Variants in ZNF469 observed in about 807,000 individuals in gnomAD.
ZNF469 encodes zinc finger protein 469.
Under a neutral mutation model 1.0 loss-of-function variants are expected in ZNF469, and 1 was observed. The observed-to-expected ratio is 1.00, with a 90% CI of 0.35 to 4.73. The LOEUF (loss-of-function observed/expected upper bound fraction) is 4.73. Among genes scored for constraint, ZNF469 ranks in the 30% most tolerant of loss-of-function variants. The pLI, the probability that ZNF469 is intolerant of heterozygous loss-of-function variation, is 0.16. For missense variants in ZNF469, 6,100 were observed against 5,356.3 expected (o/e 1.14, Z -4.33); for synonymous variants, 2,703 against 2,363.4 (o/e 1.14, Z -4.17).
At chr16:88,262,933 G>A in the ZNF469 span, among the ~76,000 whole-genome samples, 22 of 152,388 alleles carry the variant, frequency 1.4e-4, no homozygotes, top group East Asian at 1.7e-3. This position sits in a 1 kb window ranked among gnomAD's most constrained non-coding sequence, Gnocchi z 4.3. Flanking sequence ...AGCTCTGACC[G>A]GCTTGAGTGG....
chr16:88,226,681 A>G, the ZNF469 span, among the ~76,000 whole-genome samples: 1 of 151,768 alleles, frequency 6.6e-6, no homozygotes, highest in Admixed American at 6.6e-5. Flanking sequence ...ATGCTCGCCC[A>G]GACCTCGAAT....
chr16:88,192,237 T>C, the ZNF469 span: 1 of 152,260 alleles, frequency 6.6e-6, no homozygotes, highest in African/African-American at 2.4e-5. Flanking sequence ...GGGGTGAGCA[T>C]GGCTCCTGCA....
chr16:88,126,410 A>T, the ZNF469 span, among the ~76,000 whole-genome samples: 1 of 151,348 alleles, frequency 6.6e-6, no homozygotes, highest in Non-Finnish European at 1.5e-5. Flanking sequence ...ATTAAGGATG[A>T]TGTTAGCTCT....
the ZNF469 span, among the ~76,000 whole-genome samples, chr16:88,239,027 CATGGTAAA>C: frequency 6.6e-6 from 1 of 152,270 alleles, no homozygotes; most frequent in African/African-American, 2.4e-5. Flanking sequence ...TTGTCTGATT[CATGGTAAA>C]ACGGGCTATG....
rs1906727169 is a variant in ZNF469, at chr16:88,438,047, C to T, written c.10577C>T (p.Thr3526Ile). 6.5e-7 allele frequency: 1 copy of T among 1,550,298 alleles called. No homozygotes were observed. Residue 3526 changes from threonine to isoleucine, a missense_variant, in exon 3 of 3, where the codon ACC becomes ATC. Physicochemically the swap from Thr to Ile is moderately conservative, Grantham distance 89. Coordinates refer to ENST00000565624, the MANE Select transcript of ZNF469 (RefSeq NM_001367624.2). Reference sequence around the variant, plus strand: ...AGCACCACCAAGGGATGGCCCGAGACCCTAGAGAGGCCTGTAGACCCCGTG... The same window carrying T: ...AGCACCACCAAGGGATGGCCCGAGATCCTAGAGAGGCCTGTAGACCCCGTG... ...APSTTKGWPE[T>I]LERPVDPVTH...
At chr16:88,378,085 C>T (rs2092513711), upstream of ZNF469, among the ~76,000 whole-genome samples, 3 of 152,210 alleles carry the variant, frequency 2.0e-5, no homozygotes, top group South Asian at 6.2e-4. Context: ...CCCAAGATCC[C>T]CCCAGTTCAC....
the ZNF469 span, among the ~76,000 whole-genome samples, chr16:88,367,258 C>T: frequency 0.51 from 77,695 of 152,136 alleles, 21,879 homozygotes; most frequent in Non-Finnish European, 0.64. Context: ...TTGGTCCCCA[C>T]GCTCTCATCT....
chr16:88,313,681 T>A, the ZNF469 span, among the ~76,000 whole-genome samples: 4 of 152,258 alleles, frequency 2.6e-5, no homozygotes, highest in Non-Finnish European at 5.9e-5. Context: ...ATTAAGACAA[T>A]GCTGGTGTAG....
the ZNF469 span, among the ~76,000 whole-genome samples, chr16:88,134,584 G>A: frequency 2.0e-5 from 3 of 152,232 alleles, no homozygotes; most frequent in South Asian, 2.1e-4. Context: ...ACAGAATCAA[G>A]AATAAGCACA....
chr16:88,333,779 C>T, the ZNF469 span, among the ~76,000 whole-genome samples: 1 of 145,020 alleles, frequency 6.9e-6, no homozygotes, highest in Admixed American at 7.3e-5. Flanking sequence ...AAAAACACAC[C>T]AAGAACCGGA....
At chr16:88,188,248 C>T in the ZNF469 span, among the ~76,000 whole-genome samples, 3 of 152,040 alleles carry the variant, frequency 2.0e-5, no homozygotes, top group Admixed American at 2.0e-4. Context: ...CTCCTCTCCC[C>T]CAGAGCACCA....
intron 1 of ZNF469, among the ~76,000 whole-genome samples, chr16:88,414,353 T>C (rs1227795448): frequency 6.6e-6 from 1 of 152,142 alleles, no homozygotes; most frequent in Non-Finnish European, 1.5e-5. Context: ...CAAACTTTGG[T>C]GTGGGGTGGA....
rs771869636 is a variant in ZNF469 at position 88,436,133 on chromosome 16, C to G, written c.8663C>G (p.Pro2888Arg). 1.3e-6 allele frequency: 2 copies of G among 1,548,226 alleles called. No homozygotes were observed. The highest frequency in any genetic ancestry group is 1.2e-5 in the South Asian group (1 of 84,052). Residue 2888 changes from proline to arginine, a missense_variant, in exon 3 of 3, where the codon CCG (proline) becomes CGG (arginine). Coordinates refer to ENST00000565624, the MANE Select transcript of ZNF469 (RefSeq NM_001367624.2). ...YGKRCEKPVLPLPTQPSFEEG... is the reference protein window; with the variant it reads ...YGKRCEKPVLRLPTQPSFEEG... ...AAGCGCTGTGAGAAGCCGGTGCTCC[C>G]GCTGCCAACCCAGCCCAGCTTTGAG...
the ZNF469 span, among the ~76,000 whole-genome samples, chr16:88,330,725 C>G: frequency 6.8e-4 from 103 of 152,282 alleles, no homozygotes; most frequent in South Asian, 1.9e-3. Context: ...CCTGGCCCTC[C>G]CATGATCTCT....
the ZNF469 span, among the ~76,000 whole-genome samples, chr16:88,128,532 C>G: frequency 2.0e-5 from 3 of 152,208 alleles, no homozygotes; most frequent in Non-Finnish European, 4.4e-5. Context: ...GGTGCTCCAC[C>G]TGGAAGGGCC....
the ZNF469 span, among the ~76,000 whole-genome samples, chr16:88,377,862 C>CTTG: frequency 1.7e-4 from 26 of 150,696 alleles, no homozygotes; most frequent in Middle Eastern, 3.4e-3. Context: ...TATTCTAGAG[C>CTTG]TTGTTGTTGT....
chr16:88,246,867 ATGAG>A, the ZNF469 span, among the ~76,000 whole-genome samples: 24,609 of 151,260 alleles, frequency 0.16, 2,003 homozygotes, highest in South Asian at 0.35. Context: ...GAGCAAGTGA[ATGAG>A]TGAGTGAATG....
At chr16:88,272,776 A>ATGGATGAACG in the ZNF469 span, among the ~76,000 whole-genome samples, 1 of 119,180 alleles carries the variant, frequency 8.4e-6, no homozygotes, top group African/African-American at 4.0e-5. Context: ...ACGAGTGGAC[A>ATGGATGAACG]GGTGGATGAA....
At chr16:88,107,253 T>C in the ZNF469 span, among the ~76,000 whole-genome samples, 8 of 152,288 alleles carry the variant, frequency 5.3e-5, 2 homozygotes, top group African/African-American at 1.9e-4. Flanking sequence ...GGGTAATTTA[T>C]AAAGGAAAGA....
Sources: gnomAD v4.1 joint callset for allele counts (sites outside exome capture counted in the v4.1 genomes callset) on GRCh38, gnomAD v4.1.1 for gene constraint, Gnocchi (gnomAD v3.1) non-coding constraint, MANE v1.5 for transcripts, NCBI Gene and HGNC (gene_info 2026-07-23, HGNC 2026-07-21) for gene names.